Variants in PTBP2 observed in about 807,000 individuals in gnomAD.
The protein encoded by PTBP2 is polypyrimidine tract binding protein 2, also known as polypyrimidine tract-binding protein 2.
PTBP2 carries 13 observed loss-of-function variants against 61.4 expected under a neutral mutation model. The observed-to-expected ratio is 0.21, with a 90% CI of 0.14 to 0.34. The LOEUF is 0.34. PTBP2 is among the 10% of genes least tolerant of loss of function. PTBP2 has a pLI of 1.00. For missense variants in PTBP2, 405 were observed against 642.6 expected, an observed-to-expected ratio of 0.63 and a Z score of 4.00; for synonymous variants, 215 against 218.5, an observed-to-expected ratio of 0.98 and a Z score of 0.14.
At chr1:96,759,916 G>GC (rs1230152649) in intron 3 of PTBP2, among the ~76,000 whole-genome samples, 1 of 152,134 alleles carries the variant, frequency 6.6e-6, no homozygotes, top group Non-Finnish European at 1.5e-5. Flanking sequence ...ATGGTGGAAG[G>GC]CAAGGAGGAG....
intron 2 of PTBP2, among the ~76,000 whole-genome samples, chr1:96,747,025 G>A (rs1179725133): frequency 1.3e-5 from 2 of 150,972 alleles, no homozygotes; most frequent in African/African-American, 4.9e-5. Flanking sequence ...CAATACAAGT[G>A]ATCCTGTCAG....
intron 3 of PTBP2, among the ~76,000 whole-genome samples, chr1:96,767,659 GT>G (rs1223085162): frequency 6.6e-6 from 1 of 152,096 alleles, no homozygotes; most frequent in Admixed American, 6.5e-5. Context: ...CCCATTATGT[GT>G]TTTAAAGTAT....
At chr1:96,802,298 G>A (rs1422894371) in intron 8 of PTBP2, among the ~76,000 whole-genome samples, 1 of 150,242 alleles carries the variant, frequency 6.7e-6, no homozygotes, top group Admixed American at 6.6e-5. Context: ...GGGGAGCTGA[G>A]ACCAAAAAGT....
intron 2 of PTBP2, among the ~76,000 whole-genome samples, chr1:96,746,562 G>A (rs1020934904): frequency 2.0e-5 from 3 of 151,870 alleles, no homozygotes; most frequent in African/African-American, 4.8e-5. Context: ...ATTGCTGGGG[G>A]CGGTGGCTTG....
At chr1:96,802,099 T>A (rs1236862754) in intron 8 of PTBP2, among the ~76,000 whole-genome samples, 2 of 148,666 alleles carry the variant, frequency 1.3e-5, no homozygotes, top group African/African-American at 5.0e-5. Context: ...TAGTCCCAGC[T>A]ACTTGGGAGG....
intron 2 of PTBP2, among the ~76,000 whole-genome samples, chr1:96,737,424 A>AT (rs1652377955): frequency 6.6e-6 from 1 of 152,116 alleles, no homozygotes; most frequent in South Asian, 2.1e-4. Context: ...AACGCAAATA[A>AT]TTGGGGAGGG....
Position 96,813,488 on chromosome 1 carries a change from G to A in PTBP2, c.*83G>A. On this transcript the variant is annotated 3_prime_UTR_variant, in exon 14 of 14. Transcript: ENST00000674951. ...ACTGTTCAGAAAAGTGGGGACCAGAGTTTGATTTTTTTTGTTTTTGTTTTT... is the reference window on the plus strand; with the variant it reads ...ACTGTTCAGAAAAGTGGGGACCAGAATTTGATTTTTTTTGTTTTTGTTTTT... 1 of 1,277,028 alleles carries A rather than the reference G, an allele frequency of 7.8e-7. No homozygotes were observed. Among genetic ancestry groups the A allele is most frequent in the Non-Finnish European group, 1.0e-6 (1 of 967,988 alleles). 79.1% of individuals were successfully genotyped at this position (1,277,028 alleles called of 1,614,324 possible). A position where few individuals can be genotyped will look rare whatever the true frequency, so the allele number is the denominator to read the frequency against.
At chr1:96,785,995 G>C (rs1049172605) in intron 8 of PTBP2, among the ~76,000 whole-genome samples, 1 of 152,092 alleles carries the variant, frequency 6.6e-6, no homozygotes, top group African/African-American at 2.4e-5. Flanking sequence ...TGGAATTTTA[G>C]AGTTTCCTTT....
chr1:96,798,093 A>C (rs1369553567), intron 8 of PTBP2, among the ~76,000 whole-genome samples: 3 of 150,540 alleles, frequency 2.0e-5, no homozygotes, highest in Non-Finnish European at 4.4e-5. Context: ...AAAAAAAAAA[A>C]ATTAGAAGGG....
chr1:96,769,904 T>C, intron 4 of PTBP2, 29 bp downstream of exon 4: 3 of 1,525,596 alleles, frequency 2.0e-6, no homozygotes, highest in Non-Finnish European at 2.7e-6. Context: ...TTATGAAATG[T>C]TAAACCCCAA....
At chr1:96,811,972 A>G (rs1283577295) in intron 11 of PTBP2, among the ~76,000 whole-genome samples, 1 of 152,190 alleles carries the variant, frequency 6.6e-6, no homozygotes, top group African/African-American at 2.4e-5. Context: ...ATTTTGGAAT[A>G]TTTGCATTAT....
chr1:96,803,806 G>A (rs1442986455), intron 8 of PTBP2, among the ~76,000 whole-genome samples: 1 of 152,114 alleles, frequency 6.6e-6, no homozygotes, highest in Non-Finnish European at 1.5e-5. Flanking sequence ...TTCTACCCAG[G>A]TATGTTATGA....
intron 2 of PTBP2, among the ~76,000 whole-genome samples, chr1:96,746,733 C>T (rs990975795): frequency 2.0e-5 from 3 of 148,682 alleles, no homozygotes; most frequent in Admixed American, 6.7e-5. Flanking sequence ...GTGTGTTTTA[C>T]AGTTACTGAT....
chr1:96,814,616 T>A lies in PTBP2; in HGVS notation c.*1211T>A, dbSNP rs1277804909. The A allele has an allele frequency of 6.6e-6, 1 of 152,534 alleles. No homozygotes were observed. The highest frequency in any genetic ancestry group is 6.6e-5 in the Admixed American group (1 of 15,258). The allele number at this position is 152,534 out of a possible 1,614,324, so 9.4% of individuals were successfully genotyped here. A position where few individuals can be genotyped will look rare whatever the true frequency, so the allele number is the denominator to read the frequency against. On this transcript the variant is annotated 3_prime_UTR_variant, in exon 14 of 14. Transcript: ENST00000674951. ...TGTCAATCCGAATTGTTGATTCTGT[T>A]TAAATGACCAATACTTTTTGAAATT...
chr1:96,774,360 A>G (rs1657779221), intron 5 of PTBP2, among the ~76,000 whole-genome samples: 1 of 152,118 alleles, frequency 6.6e-6, no homozygotes, highest in Non-Finnish European at 1.5e-5. Flanking sequence ...CTGTGTGTTC[A>G]CTGTGTCTCC....
chr1:96,803,166 A>G (rs1661193159), intron 8 of PTBP2, among the ~76,000 whole-genome samples: 1 of 152,182 alleles, frequency 6.6e-6, no homozygotes, highest in African/African-American at 2.4e-5. Flanking sequence ...GTATTCAAAG[A>G]CACACTGAAG....
intron 2 of PTBP2, among the ~76,000 whole-genome samples, chr1:96,739,136 GT>G (rs1292068393): frequency 6.6e-6 from 1 of 151,982 alleles, no homozygotes; most frequent in African/African-American, 2.4e-5. Context: ...GATGGGATTA[GT>G]TTTTTGTAAT....
chr1:96,741,549 G>A (rs902456132), intron 2 of PTBP2, among the ~76,000 whole-genome samples: 1 of 152,008 alleles, frequency 6.6e-6, no homozygotes, highest in Non-Finnish European at 1.5e-5. Context: ...GGCGTGAGTC[G>A]CTGTGCCTGG....
intron 2 of PTBP2, among the ~76,000 whole-genome samples, chr1:96,741,563 G>A (rs1351023848): frequency 6.6e-6 from 1 of 151,984 alleles, no homozygotes; most frequent in Non-Finnish European, 1.5e-5. Flanking sequence ...TGCCTGGCCT[G>A]TTTTGTTAGT....
Sources: allele counts gnomAD v4.1 joint callset (sites outside exome capture counted in the v4.1 genomes callset), GRCh38; gene constraint gnomAD v4.1.1; transcripts MANE v1.5; gene names NCBI Gene and HGNC (gene_info 2026-07-23, HGNC 2026-07-21).